LONP2: variants seen among roughly 807,000 people sequenced by gnomAD.
LONP2 encodes the protein lon protease homolog 2, peroxisomal.
Under a neutral mutation model 85.6 loss-of-function variants are expected in LONP2, and 60 were observed. That is an observed-to-expected ratio of 0.70 (90% CI 0.57 to 0.87). The LOEUF (loss-of-function observed/expected upper bound fraction) is 0.87, where lower values mean the gene tolerates loss of function less well. LONP2 is among the 40% of genes least tolerant of loss of function. The probability of loss-of-function intolerance (pLI) is 0.00; values close to 1 mark genes in which losing one functional copy is unlikely to be tolerated. For missense variants in LONP2, 860 were observed against 1,063.5 expected (o/e 0.81, Z 2.66); for synonymous variants, 395 against 389.7 (o/e 1.01, Z -0.16).
chr16:48,304,949 C>A lies in LONP2; in HGVS notation c.1795+1644C>A, dbSNP rs148632903. Among the ~76,000 whole-genome samples the A allele has an allele frequency of 1.5e-3, 228 of 152,262 alleles. 2 individuals are homozygous for A. Among genetic ancestry groups the A allele is most frequent in the Non-Finnish European group, 2.9e-3 (197 of 68,022 alleles). ...TTAAAGAACCATAATTTATGGTGGACCCAGTTGAACAGACACAGCCAAATG... is the reference window on the plus strand; with the variant it reads ...TTAAAGAACCATAATTTATGGTGGAACCAGTTGAACAGACACAGCCAAATG... On this transcript the variant is annotated intron_variant, in intron 11 of 14. Coordinates refer to ENST00000285737, the MANE Select transcript of LONP2 (RefSeq NM_031490.5).
intron 1 of LONP2, among the ~76,000 whole-genome samples, chr16:48,248,803 G>C (rs1474597667): frequency 4.6e-5 from 7 of 150,778 alleles, no homozygotes; most frequent in Admixed American, 2.7e-4. Context: ...GATTACTTGA[G>C]CCCAGGTGAT....
chr16:48,301,824 T>G (rs1972811871), intron 10 of LONP2, among the ~76,000 whole-genome samples: 1 of 152,238 alleles, frequency 6.6e-6, no homozygotes, highest in Non-Finnish European at 1.5e-5. Context: ...GACATTAAGA[T>G]AAAATACTAT....
intron 9 of LONP2, among the ~76,000 whole-genome samples, 165 bp from the exon 10 acceptor site, chr16:48,299,497 A>C (rs1443533927): frequency 6.6e-6 from 1 of 151,810 alleles, no homozygotes; most frequent in Non-Finnish European, 1.5e-5. Context: ...CAGGAGAATC[A>C]CTTGAACCTG....
chr16:48,360,265 G>C (rs1263119020), downstream of LONP2, among the ~76,000 whole-genome samples: 1 of 152,168 alleles, frequency 6.6e-6, no homozygotes, highest in Non-Finnish European at 1.5e-5. Context: ...TTATATCATT[G>C]TGCTTTTTTA....
At chr16:48,298,955 A>G (rs1199853842) in intron 9 of LONP2, among the ~76,000 whole-genome samples, 1 of 150,986 alleles carries the variant, frequency 6.6e-6, no homozygotes, top group East Asian at 2.0e-4. Context: ...CAGTGGTGCA[A>G]TCTCAACTCA....
chr16:48,335,719 G>T lies in LONP2; in HGVS notation c.1938+1361G>T, dbSNP rs151095551. 2.1e-4 allele frequency among the ~76,000 whole-genome samples: 32 copies of T among 152,222 alleles called. No individual in the cohort carries two copies. The East Asian group carries it at 6.0e-3, about 28-fold the overall frequency. On this transcript the variant is annotated intron_variant, in intron 12 of 14. Coordinates refer to ENST00000285737, the MANE Select transcript of LONP2 (RefSeq NM_031490.5). The stretch of plus-strand genomic sequence containing the variant: ...CTTACAACTGAGCAGATGAGAAATA[G>T]CCCCCAAGCCTGTCTTGTTTATCCA...
At chr16:48,358,497 T>C (rs531586533), downstream of LONP2, among the ~76,000 whole-genome samples, 5 of 152,236 alleles carry the variant, frequency 3.3e-5, no homozygotes, top group African/African-American at 1.2e-4. Flanking sequence ...GCCTACAAGG[T>C]AATACATAAA....
At chr16:48,258,491 T>TA (rs1596913616) in intron 3 of LONP2, 127 bp from the exon 4 acceptor site, 1 of 761,066 alleles carries the variant, frequency 1.3e-6, no homozygotes, top group East Asian at 2.9e-5. Context: ...GTCTTAGCCA[T>TA]AGTGTAGCTT....
At chr16:48,282,460 A>G (rs1567321768) in intron 8 of LONP2, among the ~76,000 whole-genome samples, 3 of 151,782 alleles carry the variant, frequency 2.0e-5, no homozygotes, top group Admixed American at 1.3e-4. Flanking sequence ...ACCCCGTGTC[A>G]AGCAAGTCTG....
chr16:48,272,139 C>G (rs1345105710), intron 7 of LONP2, among the ~76,000 whole-genome samples: 1 of 152,180 alleles, frequency 6.6e-6, no homozygotes, highest in Non-Finnish European at 1.5e-5. Flanking sequence ...CAATACCTGA[C>G]ACACAGTGAG....
chr16:48,319,900 C>A (rs1469585963), intron 11 of LONP2, among the ~76,000 whole-genome samples: 1 of 151,932 alleles, frequency 6.6e-6, no homozygotes, highest in African/African-American at 2.4e-5. Context: ...TGGTGGCTCA[C>A]GCCTTTAATC....
chr16:48,325,832 C>T (rs1567342948), intron 11 of LONP2, among the ~76,000 whole-genome samples: 3 of 152,180 alleles, frequency 2.0e-5, no homozygotes, highest in African/African-American at 7.2e-5. Context: ...AACCTCCATA[C>T]TGTTTTCCAT....
chr16:48,256,503 A>G (rs956685884), intron 2 of LONP2, 107 bp from the exon 3 acceptor site: 5 of 1,216,976 alleles, frequency 4.1e-6, no homozygotes, highest in African/African-American at 3.1e-5. Context: ...TGATCTTTCA[A>G]AAACAAAGAC....
chr16:48,325,395 A>C (rs2151018492), intron 11 of LONP2, among the ~76,000 whole-genome samples: 1 of 152,244 alleles, frequency 6.6e-6, no homozygotes, highest in South Asian at 2.1e-4. Context: ...CCCATTGACC[A>C]ATCTCTCCCC....
intron 7 of LONP2, among the ~76,000 whole-genome samples, chr16:48,276,303 C>T (rs1972206641): frequency 6.6e-6 from 1 of 152,108 alleles, no homozygotes. Context: ...TTATTCTGTC[C>T]TACTTTATAC....
chr16:48,274,846 G>A (rs1021878342), intron 7 of LONP2, among the ~76,000 whole-genome samples: 1 of 152,096 alleles, frequency 6.6e-6, no homozygotes, highest in African/African-American at 2.4e-5. Context: ...ACTTAACATT[G>A]TAACACTTAA....
intron 1 of LONP2, among the ~76,000 whole-genome samples, chr16:48,251,220 G>C (rs1458659777): frequency 6.6e-6 from 1 of 152,158 alleles, no homozygotes; most frequent in East Asian, 1.9e-4. Flanking sequence ...CTTTCCTAGG[G>C]TGTTGAGAGT....
chr16:48,348,419 C>T, intron 14 of LONP2, 129 bp downstream of exon 14: 1 of 437,282 alleles, frequency 2.3e-6, no homozygotes, highest in South Asian at 1.2e-4. Context: ...TATTTTTATG[C>T]CTGTAACTAA....
intron 11 of LONP2, among the ~76,000 whole-genome samples, chr16:48,309,685 T>G (rs951144318): frequency 1.3e-5 from 2 of 152,232 alleles, no homozygotes; most frequent in African/African-American, 4.8e-5. Context: ...ATTTTTAGTT[T>G]TATTCCATTG....
Sources: gnomAD v4.1 joint callset for allele counts (sites outside exome capture counted in the v4.1 genomes callset) on GRCh38, gnomAD v4.1.1 for gene constraint, MANE v1.5 for transcripts, NCBI Gene and HGNC (gene_info 2026-07-23, HGNC 2026-07-21) for gene names.